Variants in GOLM1 observed in about 807,000 individuals in gnomAD.
GOLM1 encodes the protein epididymis luminal protein 46.
GOLM1 carries 31 observed loss-of-function variants against 50.5 expected under a neutral mutation model. The ratio of observed to expected loss-of-function variants is 0.61; its 90% CI spans 0.46 to 0.83. The LOEUF is 0.83. Ranked by LOEUF, GOLM1 falls within the 40% of genes least tolerant of loss-of-function variation. The pLI, the probability that GOLM1 is intolerant of heterozygous loss-of-function variation, is 0.00. For missense variants in GOLM1, 491 were observed against 501.3 expected (o/e 0.98, Z 0.20); for synonymous variants, 178 against 192.8 (o/e 0.92, Z 0.64).
intron 6 of GOLM1, among the ~76,000 whole-genome samples, chr9:86,039,040 A>G (rs1833244003): frequency 6.6e-6 from 1 of 152,218 alleles, no homozygotes; most frequent in Non-Finnish European, 1.5e-5. Context: ...AAACTTGCAA[A>G]TCATATATCC....
Position 86,077,444 on chromosome 9 carries a change from C to G in GOLM1, c.277G>C (p.Glu93Gln). The G allele has an allele frequency of 6.2e-7, 1 of 1,614,212 alleles. No individual in the cohort carries two copies. The highest frequency in any genetic ancestry group is 8.5e-7 in the Non-Finnish European group (1 of 1,180,010). ...TCCTGGTACAGCTTGTTGACGCTCT[C>G]CAGCTGGAAGTTGTGGCTGGACTGG... Reference protein sequence around the residue: ...KIQSSHNFQLESVNKLYQDEK... With the variant: ...KIQSSHNFQLQSVNKLYQDEK... Residue 93 changes from glutamate (E) to glutamine (Q), a missense_variant, in exon 3 of 10, where the codon GAG becomes CAG. Coordinates refer to ENST00000388712, the MANE Select transcript of GOLM1 (RefSeq NM_016548.4).
Position 86,027,886 on chromosome 9 carries a change from A to G in GOLM1, c.1137T>C (p.Asn379=). ...TGGTGTCTCTTTTCTGATCTTCAAC[A>G]TTAAAAACTAAAAAGGAAAAACACA... ...AGNDRNIDVF[N]VEDQKRDTIN... is the part of the protein sequence containing the mutation. Residue 379 remains asparagine, a synonymous_variant, in exon 10 of 10, where the codon AAT becomes AAC. Coordinates refer to ENST00000388712, the MANE Select transcript of GOLM1 (RefSeq NM_016548.4). 1.9e-6 allele frequency: 3 copies of G among 1,589,180 alleles called. No individual in the cohort carries two copies. The highest frequency in any genetic ancestry group is 8.6e-7 in the Non-Finnish European group (1 of 1,157,576).
chr9:86,030,336 A>T (rs1030010374), intron 9 of GOLM1, among the ~76,000 whole-genome samples: 1 of 152,174 alleles, frequency 6.6e-6, no homozygotes, highest in Non-Finnish European at 1.5e-5. Flanking sequence ...TTTGCTTCAA[A>T]GTCTGGCTGC....
chr9:86,049,985 A>G (rs1323021946), intron 4 of GOLM1, among the ~76,000 whole-genome samples: 3 of 152,186 alleles, frequency 2.0e-5, no homozygotes, highest in Non-Finnish European at 4.4e-5. Flanking sequence ...CCCATTCAGT[A>G]TGATAATGGC....
intron 1 of GOLM1, among the ~76,000 whole-genome samples, chr9:86,083,789 T>G (rs970894717): frequency 3.3e-5 from 5 of 152,228 alleles, no homozygotes; most frequent in African/African-American, 1.2e-4. Flanking sequence ...AGTCCCTTAT[T>G]CACAACTTTG....
At chr9:86,071,105 A>ACACACACACG (rs1554673927) in intron 3 of GOLM1, among the ~76,000 whole-genome samples, 1 of 145,898 alleles carries the variant, frequency 6.9e-6, no homozygotes, top group East Asian at 1.9e-4. Context: ...ACACACACAC[A>ACACACACACG]CGTATATTTA....
chr9:86,055,218 A>G (rs1833951277), intron 3 of GOLM1, among the ~76,000 whole-genome samples: 1 of 152,204 alleles, frequency 6.6e-6, no homozygotes, highest in Non-Finnish European at 1.5e-5. Flanking sequence ...AGTTATGGCG[A>G]TAATACCTGT....
At chr9:86,035,019 G>A in intron 8 of GOLM1, 1 of 985,222 alleles carries the variant, frequency 1.0e-6, no homozygotes, top group Non-Finnish European at 1.2e-6. Flanking sequence ...AATGGCACCA[G>A]ACACTGCACG....
intron 6 of GOLM1, among the ~76,000 whole-genome samples, chr9:86,038,589 G>A (rs1833229112): frequency 1.3e-5 from 2 of 152,152 alleles, no homozygotes; most frequent in African/African-American, 2.4e-5. Context: ...TCACAGCCAA[G>A]GGACTCAGGC....
At chr9:86,046,721 C>A (rs1231241682) in intron 4 of GOLM1, 149 bp from the exon 5 acceptor site, 2 of 647,300 alleles carry the variant, frequency 3.1e-6, no homozygotes, top group African/African-American at 1.8e-5. Flanking sequence ...AAGCTGAAAA[C>A]ACAGTCCCTC....
Position 86,099,520 on chromosome 9 carries a change from T to TGCGCCCAGCGCCTCC in GOLM1, c.-146_-132dup, listed in dbSNP as rs1835466142. The TGCGCCCAGCGCCTCC allele has an allele frequency of 6.7e-6, 1 of 148,848 alleles. No homozygotes were observed. The highest frequency in any genetic ancestry group is 2.1e-4 in the South Asian group (1 of 4,762). The allele number at this position is 148,848 out of a possible 1,614,324, so 9.2% of individuals were successfully genotyped here. A position where few individuals can be genotyped will look rare whatever the true frequency, so the allele number is the denominator to read the frequency against. On this transcript the variant is annotated 5_prime_UTR_variant, in exon 1 of 10. Transcript: ENST00000388712. ...TCGAGCTCCGGCCGGCTCCGCGCCG[T>TGCGCCCAGCGCCTCC]GCGCCCAGCGCCTCCGCGTCCAGCG...
intron 9 of GOLM1, among the ~76,000 whole-genome samples, chr9:86,028,640 T>C (rs1040892465): frequency 4.6e-5 from 7 of 152,174 alleles, no homozygotes; most frequent in African/African-American, 1.7e-4. Flanking sequence ...TGTGGACAGC[T>C]AAGCTGAAAG....
At chr9:86,030,660 GA>G (rs1832947666) in intron 9 of GOLM1, among the ~76,000 whole-genome samples, 1 of 151,916 alleles carries the variant, frequency 6.6e-6, no homozygotes, top group Admixed American at 6.6e-5. Flanking sequence ...CCTGAACCCA[GA>G]AAAAAAGACA....
At chr9:86,034,878 AAG>A in intron 8 of GOLM1, 2 of 368,072 alleles carry the variant, frequency 5.4e-6, no homozygotes, top group Non-Finnish European at 7.5e-6. Flanking sequence ...TTAAAAAGAA[AAG>A]AGTCAACCAA....
intron 1 of GOLM1, among the ~76,000 whole-genome samples, chr9:86,081,887 T>G (rs1587735368): frequency 7.2e-6 from 1 of 139,326 alleles, no homozygotes; most frequent in Non-Finnish European, 1.6e-5. Context: ...AGACTCTGAT[T>G]AAAAAAAAAA....
At chr9:86,079,584 G>A (rs1415972776) in intron 1 of GOLM1, 5 of 345,160 alleles carry the variant, frequency 1.4e-5, no homozygotes, top group South Asian at 1.4e-4. Context: ...AGCAGGCACC[G>A]CCCCGAAACC....
chr9:86,083,640 G>T (rs778918607), intron 1 of GOLM1, among the ~76,000 whole-genome samples: 1 of 152,056 alleles, frequency 6.6e-6, no homozygotes, highest in Non-Finnish European at 1.5e-5. Context: ...TGCCTGCCTC[G>T]GCCTCCCAAA....
chr9:86,089,310 T>G (rs904538567), intron 1 of GOLM1, among the ~76,000 whole-genome samples: 2 of 152,240 alleles, frequency 1.3e-5, no homozygotes, highest in Non-Finnish European at 2.9e-5. Flanking sequence ...CCTGTCTTGC[T>G]AGGTTGGGGA....
chr9:86,054,527 TGTA>T (rs1407368166), intron 3 of GOLM1, among the ~76,000 whole-genome samples: 1 of 152,116 alleles, frequency 6.6e-6, no homozygotes, highest in Non-Finnish European at 1.5e-5. Flanking sequence ...CCCGGCCTCA[TGTA>T]TTCTTCTTGA....
Sources: gnomAD v4.1 joint callset for allele counts (sites outside exome capture counted in the v4.1 genomes callset) on GRCh38, gnomAD v4.1.1 for gene constraint, MANE v1.5 for transcripts, NCBI Gene and HGNC (gene_info 2026-07-23, HGNC 2026-07-21) for gene names.